KLF12: variants seen among roughly 807,000 people sequenced by gnomAD.
The protein encoded by KLF12 is KLF transcription factor 12.
A neutral mutation model predicts 37.8 loss-of-function variants in KLF12; 9 were observed. The ratio of observed to expected loss-of-function variants is 0.24; its 90% CI spans 0.14 to 0.42. The LOEUF (loss-of-function observed/expected upper bound fraction) is 0.42. Ranked by LOEUF, KLF12 falls within the 10% of genes least tolerant of loss-of-function variation. The pLI is 1.00. For synonymous variants in KLF12, 208 were observed against 202.1 expected (o/e 1.03, Z -0.25); for missense variants, 411 against 516.0 (o/e 0.80, Z 1.97).
At chr13:73,753,618 GATGA>G (rs1878939383) in intron 6 of KLF12, among the ~76,000 whole-genome samples, 2 of 149,230 alleles carry the variant, frequency 1.3e-5, no homozygotes, top group African/African-American at 4.9e-5. Context: ...AGAGGGAACA[GATGA>G]ATGAACACAA....
intron 1 of KLF12, among the ~76,000 whole-genome samples, chr13:74,070,505 G>GT (rs869290244): frequency 6.6e-6 from 1 of 150,496 alleles, no homozygotes; most frequent in East Asian, 1.9e-4. Flanking sequence ...TTGTTTGTTT[G>GT]TTTTTTCAAG....
At chr13:74,132,473 T>C in intron 1 of KLF12, among the ~76,000 whole-genome samples, 1 of 152,180 alleles carries the variant, frequency 6.6e-6, no homozygotes, top group African/African-American at 2.4e-5. Context: ...AAATAAAATA[T>C]CAGAGTGCTC....
In KLF12 at chr13:74,051,341, AACACACACACACAC is replaced by A. The variant is rs10678885; in HGVS notation, c.-31-56302_-31-56289del. 1.4e-4 allele frequency among the ~76,000 whole-genome samples: 20 copies of A among 143,776 alleles called. 1 individual carries two copies. In the South Asian group the frequency reaches 1.8e-3, roughly 13 times the overall value. The allele number at this position is 143,776 out of a possible 152,430, so 94.3% of individuals were successfully genotyped here. On this transcript the variant is annotated intron_variant, in intron 1 of 7. Coordinates refer to ENST00000377669, the MANE Select transcript of KLF12 (RefSeq NM_007249.5). The stretch of plus-strand genomic sequence containing the variant: ...TGGTGTGTGTATACATACACACACA[AACACACACACACAC>A]ACACACACACACACACACACACAGT...
At chr13:74,036,306 C>G (rs1893243942) in intron 1 of KLF12, among the ~76,000 whole-genome samples, 1 of 152,172 alleles carries the variant, frequency 6.6e-6, no homozygotes, top group African/African-American at 2.4e-5. Context: ...CAAAGAACGA[C>G]CTTAACTTCC....
chr13:73,967,364 T>A (rs967062214), intron 2 of KLF12, among the ~76,000 whole-genome samples: 1 of 152,140 alleles, frequency 6.6e-6, no homozygotes, highest in Non-Finnish European at 1.5e-5. Flanking sequence ...AAATAACGCA[T>A]GGTGTATTCA....
intron 2 of KLF12, among the ~76,000 whole-genome samples, chr13:73,947,515 G>A (rs748707780): frequency 2.6e-5 from 4 of 151,978 alleles, no homozygotes; most frequent in African/African-American, 4.8e-5. Context: ...GCCAGGCATT[G>A]TGGTGGGCGC....
chr13:74,195,013 G>A, the KLF12 span, among the ~76,000 whole-genome samples: 1 of 152,118 alleles, frequency 6.6e-6, no homozygotes, highest in Non-Finnish European at 1.5e-5. Flanking sequence ...TTAGCAGATG[G>A]GGTGAAAAGG....
the KLF12 span, chr13:74,288,953 G>A: frequency 3.3e-5 from 5 of 152,164 alleles, no homozygotes; most frequent in African/African-American, 1.2e-4. Context: ...TTCACTTTAA[G>A]GAATAGCAGT....
At chr13:73,772,855 T>A (rs546148871) in intron 5 of KLF12, among the ~76,000 whole-genome samples, 2 of 151,670 alleles carry the variant, frequency 1.3e-5, no homozygotes, top group South Asian at 4.2e-4. Flanking sequence ...GGGATTCAGA[T>A]GGACACAGCA....
chr13:73,822,137 T>G (rs573810943), intron 4 of KLF12, among the ~76,000 whole-genome samples: 1 of 152,348 alleles, frequency 6.6e-6, no homozygotes, highest in East Asian at 1.9e-4. Flanking sequence ...AATATAATGA[T>G]GCAAGTGTCT....
intron 1 of KLF12, among the ~76,000 whole-genome samples, chr13:74,061,764 G>T (rs183364444): frequency 2.6e-4 from 39 of 152,244 alleles, no homozygotes; most frequent in African/African-American, 9.1e-4. Flanking sequence ...CTAAATAAAG[G>T]TTCAACTACT....
At chr13:74,305,297 T>C in the KLF12 span, among the ~76,000 whole-genome samples, 1 of 152,126 alleles carries the variant, frequency 6.6e-6, no homozygotes, top group African/African-American at 2.4e-5. Context: ...AATTTTTAAA[T>C]GCTCTACATT....
intron 1 of KLF12, among the ~76,000 whole-genome samples, chr13:74,026,203 A>G (rs1046228455): frequency 1.3e-5 from 2 of 152,038 alleles, no homozygotes; most frequent in African/African-American, 4.8e-5. Context: ...GGGTTCAAAA[A>G]CTTAGCAATA....
intron 1 of KLF12, among the ~76,000 whole-genome samples, chr13:74,105,879 A>G (rs1013293102): frequency 6.6e-6 from 1 of 152,222 alleles, no homozygotes; most frequent in African/African-American, 2.4e-5. Context: ...TCACACCATG[A>G]TAGTATCAGG....
At chr13:73,864,859 C>T (rs2138828925) in intron 3 of KLF12, among the ~76,000 whole-genome samples, 1 of 152,124 alleles carries the variant, frequency 6.6e-6, no homozygotes, top group South Asian at 2.1e-4. Context: ...TTGAAGAGGA[C>T]TTAATGTTGT....
chr13:74,090,652 G>C (rs1875598077), intron 1 of KLF12, among the ~76,000 whole-genome samples: 2 of 151,868 alleles, frequency 1.3e-5, no homozygotes, highest in Non-Finnish European at 2.9e-5. Context: ...TATCCTCTTT[G>C]ATAAAGTATC....
chr13:73,761,608 T>C (rs1451007669), intron 6 of KLF12, among the ~76,000 whole-genome samples: 1 of 152,186 alleles, frequency 6.6e-6, no homozygotes, highest in Non-Finnish European at 1.5e-5. Context: ...TTTTTGTTGT[T>C]GTTGTTGCTA....
At chr13:74,274,950 T>C in the KLF12 span, among the ~76,000 whole-genome samples, 1 of 152,218 alleles carries the variant, frequency 6.6e-6, no homozygotes, top group Non-Finnish European at 1.5e-5. Flanking sequence ...ATCAGCAATC[T>C]GTGAGTCTTG....
chr13:73,904,221 T>C (rs148929586), intron 3 of KLF12, among the ~76,000 whole-genome samples: 9 of 152,316 alleles, frequency 5.9e-5, no homozygotes, highest in Admixed American at 5.9e-4. Context: ...ATTATAGCTA[T>C]TAAGGATCCC....
Sources: gnomAD v4.1 joint callset for allele counts (sites outside exome capture counted in the v4.1 genomes callset) on GRCh38, gnomAD v4.1.1 for gene constraint, MANE v1.5 for transcripts, NCBI Gene and HGNC (gene_info 2026-07-23, HGNC 2026-07-21) for gene names.